LRGUK: variants seen among roughly 807,000 people sequenced by gnomAD.
LRGUK encodes leucine-rich repeat and guanylate kinase domain-containing protein.
LRGUK carries 65 observed loss-of-function variants against 76.0 expected under a neutral mutation model. The observed-to-expected ratio is 0.85, with a 90% CI of 0.70 to 1.05. LRGUK has a LOEUF of 1.05. LRGUK is among the 50% of genes least tolerant of loss of function. The probability of loss-of-function intolerance (pLI) is 0.00; values close to 1 mark genes in which losing one functional copy is unlikely to be tolerated. For missense variants in LRGUK, 758 were observed against 732.8 expected, an observed-to-expected ratio of 1.03 and a Z score of -0.40; for synonymous variants, 268 against 265.6, an observed-to-expected ratio of 1.01 and a Z score of -0.09.
exon 20 of LRGUK, chr7:134,264,408 C>T (rs1490095943): frequency 1.3e-5 from 2 of 153,686 alleles, no homozygotes; most frequent in African/African-American, 4.8e-5. Flanking sequence ...TGTCCATTTA[C>T]AACATTCCTG....
exon 12 of LRGUK, chr7:134,191,675 C>A (rs1476533401): frequency 6.2e-7 from 1 of 1,612,442 alleles, no homozygotes; most frequent in Admixed American, 1.7e-5. Context: ...ACCACAAGAC[C>A]ACCTTACTTT....
At chr7:134,193,382 G>A (rs1800341772) in intron 12 of LRGUK, among the ~76,000 whole-genome samples, 1 of 152,184 alleles carries the variant, frequency 6.6e-6, no homozygotes, top group South Asian at 2.1e-4. Flanking sequence ...TCTTGTTAGA[G>A]TATGAGGCAA....
At chr7:134,131,136 T>C (rs529081122) in intron 1 of LRGUK, among the ~76,000 whole-genome samples, 1 of 152,274 alleles carries the variant, frequency 6.6e-6, no homozygotes, top group African/African-American at 2.4e-5. Flanking sequence ...GGCCCAAAAA[T>C]TGATGCATGA....
intron 17 of LRGUK, among the ~76,000 whole-genome samples, chr7:134,248,448 T>C (rs1042323361): frequency 6.6e-6 from 1 of 152,224 alleles, no homozygotes; most frequent in Non-Finnish European, 1.5e-5. Context: ...TTCTTTTTCT[T>C]TCAAGTCAGT....
At chr7:134,176,759 A>G (rs1348009965) in intron 8 of LRGUK, among the ~76,000 whole-genome samples, 1 of 152,212 alleles carries the variant, frequency 6.6e-6, no homozygotes, top group African/African-American at 2.4e-5. Context: ...GAGATTAACA[A>G]GAGTGTACAC....
chr7:134,127,670 T>C lies in LRGUK; in HGVS notation c.297+6T>C. ...CCGAAATGCTGAATTTGGAGGTGTGTCTTCCCCCCCACCCCGTACTCCCTG... is the reference window on the plus strand; with the variant it reads ...CCGAAATGCTGAATTTGGAGGTGTGCCTTCCCCCCCACCCCGTACTCCCTG... On this transcript the variant is annotated splice_donor_region_variant and intron_variant, in intron 1 of 15. Transcript: ENST00000645682. 6.2e-7 allele frequency: 1 copy of C among 1,609,462 alleles called. No homozygotes were observed. Among genetic ancestry groups the C allele is most frequent in the East Asian group, 2.2e-5 (1 of 44,770 alleles).
At position 134,182,923 on chromosome 7, in the gene LRGUK, G is replaced by A. The variant is rs76746523; in HGVS notation, c.1215-811G>A. On this transcript the variant is annotated intron_variant, in intron 10 of 15. Coordinates refer to ENST00000645682, the Ensembl canonical transcript of LRGUK. ...ATTACGGGTGTGCACCACCATGCCC[G>A]CTAATTCTGTATTTTCAGTAGAGAC... 6.2e-4 allele frequency among the ~76,000 whole-genome samples: 94 copies of A among 152,238 alleles called. 2 individuals are homozygous for A. In the East Asian group the frequency reaches 0.015, roughly 25 times the overall value.
chr7:134,243,008 T>A (rs1802203272), intron 16 of LRGUK, among the ~76,000 whole-genome samples: 1 of 152,170 alleles, frequency 6.6e-6, no homozygotes, highest in South Asian at 2.1e-4. Flanking sequence ...CAACAGCCCT[T>A]CATGCTAAAA....
At position 134,127,676 on chromosome 7, in the gene LRGUK, C is replaced by G; in HGVS notation, c.297+12C>G. The G allele has an allele frequency of 6.2e-7, 1 of 1,606,172 alleles. No homozygotes were observed. The highest frequency in any genetic ancestry group is 8.5e-7 in the Non-Finnish European group (1 of 1,175,792). On this transcript the variant is annotated intron_variant, in intron 1 of 15. Transcript: ENST00000645682. Reference sequence around the variant, plus strand: ...TGCTGAATTTGGAGGTGTGTCTTCCCCCCCACCCCGTACTCCCTGGCTCCC... The same window carrying G: ...TGCTGAATTTGGAGGTGTGTCTTCCGCCCCACCCCGTACTCCCTGGCTCCC...
In LRGUK at chr7:134,248,040, T is replaced by C. The variant is rs114563525; in HGVS notation, c.2072+396T>C. The stretch of plus-strand genomic sequence containing the variant: ...TTTAATCAATATAAATAAAATTACA[T>C]TTTTGTTCACTTGTTTGCTGCCATG... On this transcript the variant is annotated intron_variant, in intron 17 of 19. Coordinates refer to the LRGUK transcript ENST00000285928. 1.8e-3 allele frequency among the ~76,000 whole-genome samples: 274 copies of C among 152,348 alleles called. 4 individuals are homozygous for C. The highest frequency in any genetic ancestry group is 6.1e-3 in the African/African-American group (252 of 41,578).
chr7:134,265,784 C>T (rs1412134397), downstream of LRGUK, among the ~76,000 whole-genome samples: 1 of 152,166 alleles, frequency 6.6e-6, no homozygotes, highest in Non-Finnish European at 1.5e-5. Context: ...TCATTGAAAG[C>T]CACTTGGGGG....
chr7:134,191,882 G>T, intron 12 of LRGUK, 131 bp downstream of exon 12: 2 of 577,624 alleles, frequency 3.5e-6, no homozygotes, highest in South Asian at 3.0e-5. Flanking sequence ...AGTTTTTATG[G>T]GGTTTTTTTT....
chr7:134,239,367 C>A (rs1302863322), intron 16 of LRGUK, among the ~76,000 whole-genome samples: 1 of 152,196 alleles, frequency 6.6e-6, no homozygotes, highest in Non-Finnish European at 1.5e-5. Flanking sequence ...TGCACTTTTC[C>A]AACGGCCTTA....
At chr7:134,210,381 A>T (rs1443588583), downstream of LRGUK, 4 of 397,692 alleles carry the variant, frequency 1.0e-5, no homozygotes, top group African/African-American at 6.2e-5. Flanking sequence ...TTACAAGAAG[A>T]TTAAAAAAAA....
chr7:134,244,186 G>T (rs1490501351), intron 16 of LRGUK, among the ~76,000 whole-genome samples: 1 of 152,128 alleles, frequency 6.6e-6, no homozygotes, highest in African/African-American at 2.4e-5. Flanking sequence ...GGCAACAAAA[G>T]CCAAAATTGA....
chr7:134,182,568 T>C (rs966170253), intron 10 of LRGUK, among the ~76,000 whole-genome samples: 57 of 152,318 alleles, frequency 3.7e-4, no homozygotes, highest in African/African-American at 1.3e-3. Flanking sequence ...TTCGGAGAGA[T>C]TGAAAAACTA....
At position 134,148,823 on chromosome 7, in the gene LRGUK, G is replaced by A. The variant is rs551590841; in HGVS notation, c.670+504G>A. Among the ~76,000 whole-genome samples, 201 of 151,956 alleles carry A rather than the reference G, an allele frequency of 1.3e-3. 1 individual carries two copies. The highest frequency in any genetic ancestry group is 4.5e-3 in the African/African-American group (188 of 41,434). ...TGCCTGTAATCCCAGACTGAGGCACGAGAATTGCTTGAACCAGGGAAGTGG... is the reference window on the plus strand; with the variant it reads ...TGCCTGTAATCCCAGACTGAGGCACAAGAATTGCTTGAACCAGGGAAGTGG... On this transcript the variant is annotated intron_variant, in intron 5 of 15. Coordinates refer to ENST00000645682, the Ensembl canonical transcript of LRGUK.
chr7:134,214,731 A>G (rs1465210196), downstream of LRGUK, among the ~76,000 whole-genome samples: 1 of 151,708 alleles, frequency 6.6e-6, no homozygotes, highest in African/African-American at 2.4e-5. Flanking sequence ...ATTTTCTACA[A>G]TGACCTATGT....
At chr7:134,185,141 A>T (rs767483469) in intron 11 of LRGUK, among the ~76,000 whole-genome samples, 12 of 152,220 alleles carry the variant, frequency 7.9e-5, no homozygotes, top group Non-Finnish European at 1.5e-4. Context: ...TTGCTTAGTG[A>T]TGTCTTAATG....
Sources: gnomAD v4.1 joint callset for allele counts (sites outside exome capture counted in the v4.1 genomes callset) on GRCh38, gnomAD v4.1.1 for gene constraint, MANE v1.5 for transcripts, NCBI Gene and HGNC (gene_info 2026-07-23, HGNC 2026-07-21) for gene names.